TTBK1: variants seen among roughly 807,000 people sequenced by gnomAD.
The protein encoded by TTBK1 is tau-tubulin kinase 1.
Under a neutral mutation model 108.5 loss-of-function variants are expected in TTBK1, and 34 were observed. The observed-to-expected ratio is 0.31, with a 90% confidence interval of 0.24 to 0.42. TTBK1 has a LOEUF of 0.42. TTBK1 is among the 10% of genes least tolerant of loss of function. The pLI is 1.00. For synonymous variants in TTBK1, 809 were observed against 795.1 expected (o/e 1.02, Z -0.29); for missense variants, 1,539 against 1,826.0 (o/e 0.84, Z 2.86).
chr6:43,262,799 G>T lies in TTBK1; in HGVS notation c.1435G>T (p.Asp479Tyr). Reference protein sequence around the residue: ...VELPERRSRMDLPGSPSRQAC... With the variant: ...VELPERRSRMYLPGSPSRQAC... ...GGGGTGGCTTTGCAGGTCACGGATG[G>T]ATCTGCCTGGCTCGCCCTCGCGCCA... The change falls in exon 13 of 15, where the codon GAT becomes TAT. Residue 479 changes from aspartate to tyrosine, a missense_variant. By Grantham distance (160) the Asp-to-Tyr change is radical (BLOSUM62 -3). This residue lies in a region of TTBK1 where 277 missense variants were observed against 332.4 expected (regional missense o/e 0.83). Coordinates refer to ENST00000259750, the MANE Select transcript of TTBK1 (RefSeq NM_032538.3). 1 of 1,570,596 alleles carries T rather than the reference G, an allele frequency of 6.4e-7. No homozygotes were observed. Among genetic ancestry groups the T allele is most frequent in the Non-Finnish European group, 8.7e-7 (1 of 1,154,712 alleles).
Position 43,263,662 on chromosome 6 carries a change from A to T in TTBK1, c.1986+312A>T, listed in dbSNP as rs1777605837. ...ACAGGCCGGGAGGGGGCGATCTGAG[A>T]ACACTGAGCTGATGGCACACTGCAG... On this transcript the variant is annotated intron_variant, in intron 13 of 14. Coordinates refer to ENST00000259750, the MANE Select transcript of TTBK1 (RefSeq NM_032538.3). This position sits in a 1 kb window ranked among gnomAD's most constrained non-coding sequence, Gnocchi z 4.7. 2.0e-5 allele frequency among the ~76,000 whole-genome samples: 3 copies of T among 152,098 alleles called. No individual in the cohort carries two copies. Among genetic ancestry groups the T allele is most frequent in the Admixed American group, 6.5e-5 (1 of 15,278 alleles).
At position 43,253,585 on chromosome 6, in the gene TTBK1, C is replaced by A; in HGVS notation, c.348C>A (p.Asp116Glu). The change falls in exon 5 of 15, where the codon GAC becomes GAA. Residue 116 changes from aspartate to glutamate, a missense_variant. Coordinates refer to ENST00000259750, the MANE Select transcript of TTBK1 (RefSeq NM_032538.3). This position sits in a 1 kb window ranked among gnomAD's most constrained non-coding sequence, Gnocchi z 5.8. ...VMQLQGRNLA[D>E]LRRSQPRGTF... ...CCATGCAGGGCCGGAACCTGGCCGACCTGCGCCGTAGCCAGCCGCGAGGCA... is the reference window on the plus strand; with the variant it reads ...CCATGCAGGGCCGGAACCTGGCCGAACTGCGCCGTAGCCAGCCGCGAGGCA... 3 of 1,610,648 alleles carry A rather than the reference C, an allele frequency of 1.9e-6. No individual in the cohort carries two copies. Among genetic ancestry groups the A allele is most frequent in the Non-Finnish European group, 2.5e-6 (3 of 1,178,708 alleles).
intron 12 of TTBK1, among the ~76,000 whole-genome samples, chr6:43,260,239 G>C (rs1418366634): frequency 6.6e-6 from 1 of 152,224 alleles, no homozygotes; most frequent in Admixed American, 6.5e-5. Context: ...CCTTTAGGAG[G>C]TGAAGATGGG....
chr6:43,258,608 A>T (rs1484044695), intron 10 of TTBK1, among the ~76,000 whole-genome samples: 1 of 152,004 alleles, frequency 6.6e-6, no homozygotes, highest in Non-Finnish European at 1.5e-5. Flanking sequence ...TAAAAAAAAA[A>T]TTTAAGTGTA....
chr6:43,270,138 G>A (rs987983079), intron 13 of TTBK1: 31 of 1,369,058 alleles, frequency 2.3e-5, no homozygotes, highest in South Asian at 3.7e-5. Flanking sequence ...CAGAGTCTCC[G>A]TCCCACCTCC....
rs1467913440 is a variant in TTBK1, at chr6:43,285,054, G to A, written c.3644G>A (p.Gly1215Asp). Reference sequence around the variant, plus strand: ...CGCCCCAAACAACCTCCTGGCCGCGGCCTGGGCCCAGGGCGAGCCCAAGCC... The same window carrying A: ...CGCCCCAAACAACCTCCTGGCCGCGACCTGGGCCCAGGGCGAGCCCAAGCC... Reference protein sequence around the residue: ...DLRPKQPPGRGLGPGRAQAGA... With the variant: ...DLRPKQPPGRDLGPGRAQAGA... The change falls in exon 15 of 15, where the codon GGC becomes GAC. Residue 1215 changes from glycine to aspartate, a missense_variant. Physicochemically the swap from Gly to Asp is moderately conservative, Grantham distance 94 (BLOSUM62 -1). This residue lies in a region of TTBK1 where 1,055 missense variants were observed against 1,086.5 expected (regional missense o/e 0.97). Coordinates refer to ENST00000259750, the MANE Select transcript of TTBK1 (RefSeq NM_032538.3). The surrounding 1 kb of genome is among the most constrained non-coding windows in gnomAD (Gnocchi z 4.7). 1.3e-6 allele frequency: 2 copies of A among 1,509,798 alleles called. No homozygotes were observed. Among genetic ancestry groups the A allele is most frequent in the Admixed American group, 2.1e-5 (1 of 47,836 alleles). 93.5% of individuals were successfully genotyped at this position (1,509,798 alleles called of 1,614,324 possible).
Position 43,263,764 on chromosome 6 carries a change from G to A in TTBK1, c.1986+414G>A, listed in dbSNP as rs1256837670. Reference sequence around the variant, plus strand: ...CTATACTAAGGGGCCAGGACTTGATGCTGCAGGTTTGGTGAGCCACTGAAG... The same window carrying A: ...CTATACTAAGGGGCCAGGACTTGATACTGCAGGTTTGGTGAGCCACTGAAG... On this transcript the variant is annotated intron_variant, in intron 13 of 14. Coordinates refer to ENST00000259750, the MANE Select transcript of TTBK1 (RefSeq NM_032538.3). The surrounding 1 kb of genome is among the most constrained non-coding windows in gnomAD (Gnocchi z 4.7). 6.6e-6 allele frequency among the ~76,000 whole-genome samples: 1 copy of A among 152,244 alleles called. No individual in the cohort carries two copies. Among genetic ancestry groups the A allele is most frequent in the East Asian group, 1.9e-4 (1 of 5,196 alleles).
chr6:43,266,686 G>T (rs1048702275), intron 13 of TTBK1, among the ~76,000 whole-genome samples: 5 of 151,564 alleles, frequency 3.3e-5, no homozygotes, highest in African/African-American at 1.2e-4. Context: ...GCGTGATCTC[G>T]GCTCACTGCA....
chr6:43,246,690 C>A lies in TTBK1; in HGVS notation c.30C>A (p.Asp10Glu), dbSNP rs1378301258. The A allele has an allele frequency of 6.2e-7, 1 of 1,611,366 alleles. No homozygotes were observed. The highest frequency in any genetic ancestry group is 2.2e-5 in the East Asian group (1 of 44,648). ...AGTGCCTAGCGGCCGCCCTTAAGGA[C>A]GAAACCAACATGAGTGGGGGAGGGG... MQCLAAALK[D>E]ETNMSGGGEQ... is the part of the protein sequence containing the mutation. The change falls in exon 2 of 15, where the codon GAC becomes GAA. Residue 10 changes from aspartate (D) to glutamate (E), a missense_variant. Physicochemically the swap from Asp to Glu is conservative, Grantham distance 45. Transcript: ENST00000259750.
intron 13 of TTBK1, among the ~76,000 whole-genome samples, chr6:43,264,029 C>T (rs751133078): frequency 1.1e-4 from 16 of 151,956 alleles, no homozygotes; most frequent in East Asian, 1.9e-4. Flanking sequence ...GGGGCCAGGG[C>T]GTCTCGTGTC....
rs967091959 is a variant in TTBK1 at position 43,263,460 on chromosome 6, C to T, written c.1986+110C>T. 13 of 1,090,380 alleles carry T rather than the reference C, an allele frequency of 1.2e-5. No homozygotes were observed. The highest frequency in any genetic ancestry group is 1.6e-5 in the African/African-American group (1 of 62,036). The allele number at this position is 1,090,380 out of a possible 1,614,324, so 67.5% of individuals were successfully genotyped here. On this transcript the variant is annotated intron_variant, in intron 13 of 14. Coordinates refer to ENST00000259750, the MANE Select transcript of TTBK1 (RefSeq NM_032538.3). This position sits in a 1 kb window ranked among gnomAD's most constrained non-coding sequence, Gnocchi z 4.7. ...CACTACTGACCAGTAAGCCAGCAGTCACAGGGCTGTGATGGAGGTAGACAG... is the reference window on the plus strand; with the variant it reads ...CACTACTGACCAGTAAGCCAGCAGTTACAGGGCTGTGATGGAGGTAGACAG...
Position 43,250,348 on chromosome 6 carries a change from CTTTTTTT to C in TTBK1, c.109-2372_109-2366del, listed in dbSNP as rs555371314. Reference sequence around the variant, plus strand: ...TTTAAATGAAAACTGCCTGGCTTTGCTTTTTTTTTTTTTTTTTTTTTTTTTAAGACGG... The same window carrying C: ...TTTAAATGAAAACTGCCTGGCTTTGCTTTTTTTTTTTTTTTTTTAAGACGG... On this transcript the variant is annotated intron_variant, in intron 2 of 14. Transcript: ENST00000259750. Among the ~76,000 whole-genome samples, 611 of 89,114 alleles carry C rather than the reference CTTTTTTT, an allele frequency of 6.9e-3. 5 individuals carry two copies. The highest frequency in any genetic ancestry group is 0.023 in the African/African-American group (502 of 22,242). The allele number at this position is 89,114 out of a possible 152,430, so 58.5% of individuals were successfully genotyped here.
rs1159001407 is a variant in TTBK1 at position 43,263,977 on chromosome 6, C to T, written c.1986+627C>T. ...TGGATGTGGGGCAAGGTGGATAGTG[C>T]CAAGGGTGTTGGGGATAGGTCAAGC... On this transcript the variant is annotated intron_variant, in intron 13 of 14. Transcript: ENST00000259750. This position sits in a 1 kb window ranked among gnomAD's most constrained non-coding sequence, Gnocchi z 4.7. 6.6e-6 allele frequency among the ~76,000 whole-genome samples: 1 copy of T among 151,950 alleles called. No homozygotes were observed. The highest frequency in any genetic ancestry group is 1.5e-5 in the Non-Finnish European group (1 of 67,974).
rs996050277 is a variant in TTBK1 at position 43,285,503 on chromosome 6, C to T, written c.*127C>T. The T allele has an allele frequency of 5.1e-6, 6 of 1,177,558 alleles. No individual in the cohort carries two copies. Among genetic ancestry groups the T allele is most frequent in the African/African-American group, 3.2e-5 (2 of 62,926 alleles). The allele number at this position is 1,177,558 out of a possible 1,614,324, so 72.9% of individuals were successfully genotyped here. ...CGCGCCACCCGCGGCCCCAGCTTTCCGCCTGCACCCGCGAGGACGCGCGCG... is the reference window on the plus strand; with the variant it reads ...CGCGCCACCCGCGGCCCCAGCTTTCTGCCTGCACCCGCGAGGACGCGCGCG... On this transcript the variant is annotated 3_prime_UTR_variant, in exon 15 of 15. Transcript: ENST00000259750. This position sits in a 1 kb window ranked among gnomAD's most constrained non-coding sequence, Gnocchi z 4.7.
At chr6:43,252,587 A>G in intron 2 of TTBK1, 152 bp from the exon 3 acceptor site, 1 of 804,898 alleles carries the variant, frequency 1.2e-6, no homozygotes, top group Admixed American at 2.9e-5. Flanking sequence ...GCACCACTGC[A>G]CTCCAGCCTG....
chr6:43,272,770 TC>T, intron 13 of TTBK1: 1 of 707,528 alleles, frequency 1.4e-6, no homozygotes, highest in Non-Finnish European at 1.7e-6. Context: ...GGTCTCCGGT[TC>T]CCAGGCTAGG....
At chr6:43,260,638 GT>G (rs1312885896) in intron 12 of TTBK1, among the ~76,000 whole-genome samples, 1 of 152,218 alleles carries the variant, frequency 6.6e-6, no homozygotes, top group East Asian at 1.9e-4. Flanking sequence ...AGGAAAGGCA[GT>G]TTGGGAAGGG....
rs1777595010 is a variant in TTBK1, at chr6:43,263,285, T to C, written c.1921T>C (p.Ser641Pro). 6.6e-7 allele frequency: 1 copy of C among 1,521,800 alleles called. No individual in the cohort carries two copies. The highest frequency in any genetic ancestry group is 8.8e-7 in the Non-Finnish European group (1 of 1,131,930). The allele number at this position is 1,521,800 out of a possible 1,614,324, so 94.3% of individuals were successfully genotyped here. A position where few individuals can be genotyped will look rare whatever the true frequency, so the allele number is the denominator to read the frequency against. ...CCCCACGCCTGGCAGCCCTTCCCAC[T>C]CACCCCTGCACTCGGGACCCCGCCC... ...QPPTPGSPSHSPLHSGPRPRR... is the reference protein window; with the variant it reads ...QPPTPGSPSHPPLHSGPRPRR... The change falls in exon 13 of 15, where the codon TCA becomes CCA. Residue 641 changes from serine to proline, a missense_variant. Physicochemically the swap from Ser to Pro is moderately conservative, Grantham distance 74. Coordinates refer to ENST00000259750, the MANE Select transcript of TTBK1 (RefSeq NM_032538.3). This position sits in a 1 kb window ranked among gnomAD's most constrained non-coding sequence, Gnocchi z 4.7.
At chr6:43,254,675 G>T in intron 6 of TTBK1, 24 bp downstream of exon 6, 1 of 1,515,500 alleles carries the variant, frequency 6.6e-7, no homozygotes, top group Non-Finnish European at 8.9e-7. Flanking sequence ...GGGCGGGGAG[G>T]ACAGTGGAGG....
Sources: gnomAD v4.1 joint callset for allele counts (sites outside exome capture counted in the v4.1 genomes callset) on GRCh38, gnomAD v4.1.1 for gene constraint, gnomAD v4.1.1 regional missense constraint, Gnocchi (gnomAD v3.1) non-coding constraint, MANE v1.5 for transcripts, NCBI Gene and HGNC (gene_info 2026-07-23, HGNC 2026-07-21) for gene names.